Variants in FBXL17 observed in about 807,000 individuals in gnomAD.
FBXL17 encodes F-box and leucine rich repeat protein 17.
Under a neutral mutation model 66.2 loss-of-function variants are expected in FBXL17, and 22 were observed. The observed-to-expected ratio is 0.33, with a 90% confidence interval of 0.24 to 0.47. FBXL17 has a LOEUF of 0.47. Ranked by LOEUF, FBXL17 falls within the 20% of genes least tolerant of loss-of-function variation. The pLI is 1.00. For missense variants in FBXL17, 878 were observed against 948.2 expected (o/e 0.93, Z 0.97); for synonymous variants, 474 against 400.5 (o/e 1.18, Z -2.19).
intron 6 of FBXL17, among the ~76,000 whole-genome samples, chr5:108,050,362 T>C (rs1314069041): frequency 3.3e-5 from 5 of 152,020 alleles, no homozygotes; most frequent in Non-Finnish European, 7.4e-5. Flanking sequence ...ATAACAAACA[T>C]CCTCTCAGAC....
chr5:108,143,737 A>C (rs1474730559), intron 6 of FBXL17, among the ~76,000 whole-genome samples: 1 of 150,448 alleles, frequency 6.6e-6, no homozygotes, highest in Non-Finnish European at 1.5e-5. Flanking sequence ...AAAAAAAAAA[A>C]AAAAAAAAAA....
chr5:107,887,834 T>G (rs1029913368), intron 7 of FBXL17, among the ~76,000 whole-genome samples: 2 of 152,176 alleles, frequency 1.3e-5, no homozygotes, highest in African/African-American at 4.8e-5. Flanking sequence ...AAAGTTTCTG[T>G]GATCCTGATG....
intron 4 of FBXL17, among the ~76,000 whole-genome samples, chr5:108,343,911 C>T (rs1384224521): frequency 1.3e-5 from 2 of 152,102 alleles, no homozygotes; most frequent in African/African-American, 4.8e-5. Flanking sequence ...AGGAAAAAAA[C>T]CTTTATTGAA....
chr5:108,381,599 G>T lies in FBXL17; in HGVS notation c.93C>A (p.Leu31=). The T allele has an allele frequency of 6.8e-7, 1 of 1,478,544 alleles. No individual in the cohort carries two copies. The allele number at this position is 1,478,544 out of a possible 1,614,324, so 91.6% of individuals were successfully genotyped here. ...TGGCTGGGGTCCGGCGGGGCAGCCTGAGGAGAGGGCGCCGGCGGCGGCACC... is the reference window on the plus strand; with the variant it reads ...TGGCTGGGGTCCGGCGGGGCAGCCTTAGGAGAGGGCGCCGGCGGCGGCACC... ...CSWCRRRRPL[L]RLPRRTPAKV... is the part of the protein sequence containing the mutation. The change falls in exon 1 of 9, where the codon CTC becomes CTA. Residue 31 remains leucine (L), a synonymous_variant. Coordinates refer to ENST00000542267, the MANE Select transcript of FBXL17 (RefSeq NM_001163315.3).
At chr5:108,227,906 C>T (rs1339777198) in intron 4 of FBXL17, among the ~76,000 whole-genome samples, 4 of 152,238 alleles carry the variant, frequency 2.6e-5, no homozygotes, top group Non-Finnish European at 1.5e-5. Context: ...AAAGGGGTAA[C>T]AGAGGTTAAG....
chr5:108,335,357 C>T (rs1482055837), intron 4 of FBXL17, among the ~76,000 whole-genome samples: 2 of 145,672 alleles, frequency 1.4e-5, no homozygotes, highest in Admixed American at 7.0e-5. Context: ...AAAAAAAATA[C>T]GTTTTTTTTT....
At chr5:108,130,743 A>T (rs1020900789) in intron 6 of FBXL17, among the ~76,000 whole-genome samples, 1 of 152,042 alleles carries the variant, frequency 6.6e-6, no homozygotes, top group African/African-American at 2.4e-5. Context: ...TTCTAACTGC[A>T]TAAGATTTAT....
chr5:108,240,829 C>A (rs552319703), intron 4 of FBXL17, among the ~76,000 whole-genome samples: 3 of 152,154 alleles, frequency 2.0e-5, no homozygotes, highest in Admixed American at 1.3e-4. Flanking sequence ...GCTTGTGTCA[C>A]CCCTCCCCCA....
chr5:108,273,895 C>T (rs913144880), intron 4 of FBXL17, among the ~76,000 whole-genome samples: 1 of 151,774 alleles, frequency 6.6e-6, no homozygotes, highest in Non-Finnish European at 1.5e-5. Context: ...TCAACAGATA[C>T]AGTGATCATT....
chr5:108,326,831 C>T (rs553029845), intron 4 of FBXL17, among the ~76,000 whole-genome samples: 146 of 152,194 alleles, frequency 9.6e-4, no homozygotes, highest in African/African-American at 3.1e-3. Context: ...CTGTTGGTAG[C>T]GACATAGTAG....
chr5:108,048,546 G>A (rs1271597951), intron 6 of FBXL17, among the ~76,000 whole-genome samples: 1 of 152,184 alleles, frequency 6.6e-6, no homozygotes, highest in Non-Finnish European at 1.5e-5. Context: ...GTGCAAAGGA[G>A]CTAAGAACCT....
At chr5:108,158,926 G>C (rs1277667989) in intron 6 of FBXL17, among the ~76,000 whole-genome samples, 2 of 152,054 alleles carry the variant, frequency 1.3e-5, no homozygotes, top group African/African-American at 4.8e-5. Flanking sequence ...CTGTGGTGTA[G>C]AAGATACCAG....
intron 7 of FBXL17, among the ~76,000 whole-genome samples, chr5:107,986,893 A>G (rs1441217592): frequency 6.6e-6 from 1 of 152,082 alleles, no homozygotes; most frequent in Non-Finnish European, 1.5e-5. Flanking sequence ...CCTGGAAGAT[A>G]AATTTTGGGA....
chr5:107,889,371 G>A (rs1347512091), intron 7 of FBXL17, among the ~76,000 whole-genome samples: 1 of 152,144 alleles, frequency 6.6e-6, no homozygotes, highest in Admixed American at 6.6e-5. Context: ...AGATGGTGGA[G>A]CACTTTTTAT....
chr5:108,016,344 G>A (rs1455102605), intron 7 of FBXL17, among the ~76,000 whole-genome samples: 1 of 152,100 alleles, frequency 6.6e-6, no homozygotes, highest in African/African-American at 2.4e-5. Context: ...GTGAGCCTGT[G>A]GGTTGTCAGC....
chr5:108,186,078 T>C, intron 6 of FBXL17, 39 bp downstream of exon 6: 2 of 1,505,278 alleles, frequency 1.3e-6, no homozygotes, highest in Non-Finnish European at 9.2e-7. Context: ...CTAAATGTTT[T>C]CCTCTAGAAA....
chr5:108,306,452 A>G (rs1486731175), intron 4 of FBXL17, among the ~76,000 whole-genome samples: 1 of 152,110 alleles, frequency 6.6e-6, no homozygotes, highest in Non-Finnish European at 1.5e-5. Flanking sequence ...CTAACCTTGT[A>G]CCTGAAATAT....
At chr5:107,997,011 A>T (rs1294238908) in intron 7 of FBXL17, among the ~76,000 whole-genome samples, 2 of 152,156 alleles carry the variant, frequency 1.3e-5, no homozygotes, top group East Asian at 3.9e-4. Context: ...TGTTCTTATA[A>T]CCAGTTAATA....
chr5:108,247,357 G>A (rs1756149159), intron 4 of FBXL17, among the ~76,000 whole-genome samples: 1 of 152,142 alleles, frequency 6.6e-6, no homozygotes, highest in African/African-American at 2.4e-5. Flanking sequence ...AGGGCCCAGA[G>A]ATGTGAATGT....
Sources: allele counts gnomAD v4.1 joint callset (sites outside exome capture counted in the v4.1 genomes callset), GRCh38; gene constraint gnomAD v4.1.1; transcripts MANE v1.5; gene names NCBI Gene and HGNC (gene_info 2026-07-23, HGNC 2026-07-21).